PAPOLA: variants seen among roughly 807,000 people sequenced by gnomAD.
PAPOLA encodes polynucleotide adenylyltransferase alpha.
PAPOLA carries 15 observed loss-of-function variants against 100.6 expected under a neutral mutation model. That is an observed-to-expected ratio of 0.15 (90% CI 0.10 to 0.23). PAPOLA has a LOEUF of 0.23. Ranked by LOEUF, PAPOLA falls within the 10% of genes least tolerant of loss-of-function variation. PAPOLA has a pLI of 1.00. For synonymous variants in PAPOLA, 293 were observed against 300.0 expected, an observed-to-expected ratio of 0.98 and a Z score of 0.24; for missense variants, 533 against 884.2, an observed-to-expected ratio of 0.60 and a Z score of 5.04.
rs532925952 is a variant in PAPOLA, at chr14:96,545,139, A to C, written c.1399+881A>C. On this transcript the variant is annotated intron_variant, in intron 15 of 21. Transcript: ENST00000216277. ...AGTGGCATTTTTATTCCCTTTGAGG[A>C]GTTTTCACTTGAGAACATACAGACT... 6.6e-5 allele frequency among the ~76,000 whole-genome samples: 10 copies of C among 152,168 alleles called. No homozygotes were observed. The South Asian group carries it at 1.9e-3, about 28-fold the overall frequency.
At chr14:96,518,766 A>T (rs1030667051) in intron 1 of PAPOLA, among the ~76,000 whole-genome samples, 1 of 151,734 alleles carries the variant, frequency 6.6e-6, no homozygotes, top group Non-Finnish European at 1.5e-5. Context: ...GGTAAAAAAA[A>T]GTAGCTGTGG....
chr14:96,520,260 GA>G, intron 2 of PAPOLA, 32 bp downstream of exon 2: 2 of 1,551,024 alleles, frequency 1.3e-6, no homozygotes, highest in Non-Finnish European at 1.8e-6. Context: ...TTTTAACTCG[GA>G]AACTTTTATT....
intron 10 of PAPOLA, chr14:96,535,569 T>C: frequency 9.8e-7 from 1 of 1,024,924 alleles, no homozygotes; most frequent in Non-Finnish European, 1.2e-6. Flanking sequence ...CCCATTTCTG[T>C]TGTTGAATAA....
At chr14:96,552,106 A>G (rs923217987) in intron 16 of PAPOLA, among the ~76,000 whole-genome samples, 1 of 152,120 alleles carries the variant, frequency 6.6e-6, no homozygotes, top group Non-Finnish European at 1.5e-5. Flanking sequence ...TTGTAGTCCC[A>G]TGTTTATTGT....
In PAPOLA at chr14:96,515,725, G is replaced by A. The variant is rs544084505; in HGVS notation, c.9-4330G>A. Among the ~76,000 whole-genome samples, 4 of 152,306 alleles carry A rather than the reference G, an allele frequency of 2.6e-5. No homozygotes were observed. In the South Asian group the frequency reaches 8.3e-4, roughly 32 times the overall value. ...ACAGTGTTCTTCATATTAAAAACCA[G>A]GAAGACATTTTAAGGAATCACAAAT... On this transcript the variant is annotated intron_variant, in intron 1 of 21. Transcript: ENST00000216277.
chr14:96,532,460 C>G, intron 8 of PAPOLA, 40 bp downstream of exon 8: 1 of 1,605,876 alleles, frequency 6.2e-7, no homozygotes, highest in Non-Finnish European at 8.5e-7. Context: ...TAAAAATGTT[C>G]AAACTTTTGT....
rs190316265 is a variant in PAPOLA at position 96,515,270 on chromosome 14, C to A, written c.9-4785C>A. Among the ~76,000 whole-genome samples, 3 of 152,154 alleles carry A rather than the reference C, an allele frequency of 2.0e-5. No individual in the cohort carries two copies. In the East Asian group the frequency reaches 5.8e-4, roughly 29 times the overall value. On this transcript the variant is annotated intron_variant, in intron 1 of 21. Coordinates refer to ENST00000216277, the MANE Select transcript of PAPOLA (RefSeq NM_032632.5). ...TAAGGAGAGAAGAGTTCTGAAAATT[C>A]TTTATACATTACCTTGAACCTGTAA... is the stretch of plus-strand genomic sequence containing the variant.
chr14:96,544,165 A>G lies in PAPOLA; in HGVS notation c.1306A>G (p.Met436Val), dbSNP rs1277267075. 1 of 1,601,248 alleles carries G rather than the reference A, an allele frequency of 6.2e-7. No homozygotes were observed. The change falls in exon 15 of 22, where the codon ATG becomes GTG. Residue 436 changes from methionine (M) to valine (V), a missense_variant. Met to Val is a conservative substitution (Grantham distance 21). Around this residue, in one of 9 missense-constraint regions of PAPOLA, gnomAD observed 19 missense variants for 18.7 expected, o/e 1.01. Coordinates refer to ENST00000216277, the MANE Select transcript of PAPOLA (RefSeq NM_032632.5). Reference protein sequence around the residue: ...ENPDKEEFRTMWVIGLVFKKT... With the variant: ...ENPDKEEFRTVWVIGLVFKKT... ...TCTTTGCAGGGAAGAATTTCGCACG[A>G]TGTGGGTGATTGGGTTAGTGTTTAA...
chr14:96,528,066 T>C (rs1049263263), intron 6 of PAPOLA, 60 bp downstream of exon 6: 60 of 1,123,168 alleles, frequency 5.3e-5, no homozygotes, highest in African/African-American at 1.7e-4. Context: ...TTGATTGATA[T>C]AGGTTAAAAA....
At chr14:96,514,652 A>G (rs1047930669) in intron 1 of PAPOLA, among the ~76,000 whole-genome samples, 14 of 152,308 alleles carry the variant, frequency 9.2e-5, no homozygotes, top group African/African-American at 3.4e-4. Flanking sequence ...TATTTATCCT[A>G]ATTAGAGTCA....
At chr14:96,519,972 C>G (rs1451965776) in intron 1 of PAPOLA, 83 bp from the exon 2 acceptor site, 3 of 1,169,556 alleles carry the variant, frequency 2.6e-6, no homozygotes, top group Non-Finnish European at 3.6e-6. Flanking sequence ...ATGTGTGTTA[C>G]TAAATTAGTT....
intron 17 of PAPOLA, among the ~76,000 whole-genome samples, chr14:96,555,637 G>A (rs1042868342): frequency 6.6e-6 from 1 of 152,112 alleles, no homozygotes; most frequent in Non-Finnish European, 1.5e-5. Context: ...AGTAACATTA[G>A]ACAGTGCTGC....
intron 3 of PAPOLA, among the ~76,000 whole-genome samples, chr14:96,522,002 A>G (rs1232588655): frequency 1.3e-5 from 2 of 148,454 alleles, no homozygotes. Context: ...GGGTTTCTCC[A>G]TGTTGGCCAC....
At chr14:96,545,214 C>T (rs1900293567) in intron 15 of PAPOLA, among the ~76,000 whole-genome samples, 1 of 151,778 alleles carries the variant, frequency 6.6e-6, no homozygotes, top group African/African-American at 2.4e-5. Context: ...AAAGTTAGTG[C>T]CAGTTTGTTA....
At chr14:96,548,607 G>A (rs984772488) in intron 16 of PAPOLA, among the ~76,000 whole-genome samples, 2 of 152,050 alleles carry the variant, frequency 1.3e-5, no homozygotes, top group Non-Finnish European at 2.9e-5. Context: ...GAAAATAAAT[G>A]AACTACAACT....
chr14:96,564,981 T>A lies in PAPOLA; in HGVS notation c.2169T>A (p.Asp723Glu). The A allele has an allele frequency of 6.3e-7, 1 of 1,593,862 alleles. No individual in the cohort carries two copies. Among genetic ancestry groups the A allele is most frequent in the Non-Finnish European group, 8.6e-7 (1 of 1,161,688 alleles). The change falls in exon 22 of 22, where the codon GAT becomes GAA. Residue 723 changes from aspartate (D) to glutamate (E), a missense_variant. Coordinates refer to ENST00000216277, the MANE Select transcript of PAPOLA (RefSeq NM_032632.5). ...SQKTSSTDLS[D>E]IPALPANPIP... ...AAACATCCAGTACAGACCTTTCTGA[T>A]ATCCCTGCTCTCCCTGCAAATCCTA...
In PAPOLA at chr14:96,532,557, C is replaced by T; in HGVS notation, c.744C>T (p.Ser248=). 3.7e-6 allele frequency: 6 copies of T among 1,612,856 alleles called. No individual in the cohort carries two copies. Among genetic ancestry groups the T allele is most frequent in the Non-Finnish European group, 5.1e-6 (6 of 1,179,616 alleles). ...SNILGFLGGV[S]WAMLVARTCQ... is the part of the protein sequence containing the mutation. ...TATTAGGTTTCCTCGGTGGTGTTTC[C>T]TGGGCTATGCTAGTAGCAAGAACTT... Residue 248 remains serine (S), a synonymous_variant, in exon 9 of 22, where the codon TCC becomes TCT. Coordinates refer to ENST00000216277, the MANE Select transcript of PAPOLA (RefSeq NM_032632.5).
intron 16 of PAPOLA, among the ~76,000 whole-genome samples, chr14:96,550,636 C>A (rs1900771506): frequency 6.6e-6 from 1 of 152,132 alleles, no homozygotes; most frequent in Admixed American, 6.5e-5. Context: ...TTGTGACCTG[C>A]CTTTTTTTGT....
intron 1 of PAPOLA, among the ~76,000 whole-genome samples, chr14:96,516,861 T>C (rs998650834): frequency 2.6e-5 from 4 of 152,362 alleles, no homozygotes; most frequent in Admixed American, 6.5e-5. Context: ...TGTATTCTAA[T>C]GTTCTAGTGA....
Sources: allele counts gnomAD v4.1 joint callset (sites outside exome capture counted in the v4.1 genomes callset), GRCh38; gene constraint gnomAD v4.1.1; regional missense constraint gnomAD v4.1.1; transcripts MANE v1.5; gene names NCBI Gene and HGNC (gene_info 2026-07-23, HGNC 2026-07-21).